The following SAFB2 variants were observed in gnomAD, a reference collection of about 807,000 sequenced individuals.
SAFB2 encodes scaffold attachment factor B2.
In SAFB2, 32 loss-of-function variants were observed where a neutral mutation model predicts 100.6. The observed-to-expected ratio is 0.32, with a 90% CI of 0.24 to 0.43. The LOEUF is 0.43. SAFB2 is among the 20% of genes least tolerant of loss of function. The pLI, the probability that SAFB2 is intolerant of heterozygous loss-of-function variation, is 1.00. For synonymous variants in SAFB2, 500 were observed against 439.4 expected, an observed-to-expected ratio of 1.14 and a Z score of -1.72; for missense variants, 1,185 against 1,163.4, an observed-to-expected ratio of 1.02 and a Z score of -0.27.
At chr19:5,602,479 CAAAA>C (rs35472223) in intron 11 of SAFB2, among the ~76,000 whole-genome samples, 37 of 39,518 alleles carry the variant, frequency 9.4e-4, no homozygotes, top group Non-Finnish European at 1.4e-3. Context: ...GACTCTGTCT[CAAAA>C]AAAAAAAAAA....
At chr19:5,601,360 G>A (rs771720971) in intron 11 of SAFB2, among the ~76,000 whole-genome samples, 4 of 152,098 alleles carry the variant, frequency 2.6e-5, no homozygotes, top group African/African-American at 4.8e-5. Flanking sequence ...GGAGTGACAC[G>A]AACGAGGCCA....
chr19:5,598,645 T>C (rs2052585085), intron 13 of SAFB2, 148 bp downstream of exon 13: 2 of 669,200 alleles, frequency 3.0e-6, no homozygotes, highest in Admixed American at 4.5e-5. Flanking sequence ...CATGTGTGTG[T>C]CTGTATCCGC....
At position 5,600,332 on chromosome 19, in the gene SAFB2, G is replaced by A. The variant is rs149607805; in HGVS notation, c.1560-72C>T. 271 of 1,574,866 alleles carry A rather than the reference G, an allele frequency of 1.7e-4. 2 individuals are homozygous for A. The highest frequency in any genetic ancestry group is 1.6e-3 in the African/African-American group (114 of 73,198). On this transcript the variant is annotated intron_variant, in intron 11 of 20. Coordinates refer to ENST00000252542, the MANE Select transcript of SAFB2 (RefSeq NM_014649.3). ...ACAGGAACGGCTCACCCAGAGCCTC[G>A]ACTCACACATACTCAGACGTCCACA...
In SAFB2 at chr19:5,604,607, T is replaced by C. The variant is rs756737672; in HGVS notation, c.1535A>G (p.His512Arg). The change falls in exon 11 of 21, where the codon CAT becomes CGT. Residue 512 changes from histidine (H) to arginine (R), a missense_variant. By Grantham distance (29) the His-to-Arg change is conservative. Around this residue, in one of 3 missense-constraint regions of SAFB2, gnomAD observed 740 missense variants for 687.1 expected, o/e 1.08. Transcript: ENST00000252542. ...KEKLSSVDRH[H>R]SVEIKIEKTV... Reference sequence around the variant, plus strand: ...CTTTTCAATTTTGATCTCCACAGAATGATGTCTGTCGACACTCGATAATTT... The same window carrying C: ...CTTTTCAATTTTGATCTCCACAGAACGATGTCTGTCGACACTCGATAATTT... The C allele has an allele frequency of 6.2e-7, 1 of 1,613,924 alleles. No individual in the cohort carries two copies. The highest frequency in any genetic ancestry group is 1.3e-5 in the African/African-American group (1 of 75,054).
chr19:5,609,608 T>C (rs1568224217), intron 9 of SAFB2, among the ~76,000 whole-genome samples: 1 of 152,116 alleles, frequency 6.6e-6, no homozygotes, highest in Non-Finnish European at 1.5e-5. Context: ...GCTTTAAGTT[T>C]TGCACAAGAC....
At position 5,610,084 on chromosome 19, in the gene SAFB2, T is replaced by C. The variant is rs749107034; in HGVS notation, c.1207A>G (p.Ser403Gly). 5 of 1,614,124 alleles carry C rather than the reference T, an allele frequency of 3.1e-6. No homozygotes were observed. The Admixed American group carries it at 5.0e-5, about 16-fold the overall frequency. ...ACCCACAGGTTCCGACCAGAACCGC[T>C]GCCGACCCGACCTGGCACGAGAGGG... ...IIKDEKGRVG[S>G]GSGRNLWVSG... The change falls in exon 9 of 21, where the codon AGC (serine) becomes GGC (glycine). Residue 403 changes from serine to glycine, a missense_variant. This residue lies in a region of SAFB2 where 94 missense variants were observed against 135.1 expected (regional missense o/e 0.70). Coordinates refer to ENST00000252542, the MANE Select transcript of SAFB2 (RefSeq NM_014649.3).
chr19:5,603,194 G>C (rs1568217862), intron 11 of SAFB2, among the ~76,000 whole-genome samples: 1 of 152,142 alleles, frequency 6.6e-6, no homozygotes, highest in Non-Finnish European at 1.5e-5. Flanking sequence ...CTTGGGCTTG[G>C]GAAGTCGAGG....
chr19:5,610,223 A>G, intron 8 of SAFB2, 128 bp from the exon 9 acceptor site: 1 of 713,122 alleles, frequency 1.4e-6, no homozygotes, highest in Non-Finnish European at 2.5e-6. Flanking sequence ...TAAGAATTTA[A>G]CGCACACACA....
intron 2 of SAFB2, among the ~76,000 whole-genome samples, chr19:5,617,424 C>T (rs779458888): frequency 2.0e-5 from 3 of 152,170 alleles, no homozygotes; most frequent in Admixed American, 6.5e-5. Context: ...TGAGAAGAAA[C>T]TTGAGGCTCT....
At chr19:5,617,279 T>A (rs555189928) in intron 2 of SAFB2, among the ~76,000 whole-genome samples, 1 of 151,824 alleles carries the variant, frequency 6.6e-6, no homozygotes, top group African/African-American at 2.4e-5. Context: ...CTTTTTTTTT[T>A]CCCCCAAGGC....
chr19:5,589,835 G>A (rs1379961488), intron 18 of SAFB2, among the ~76,000 whole-genome samples: 1 of 152,142 alleles, frequency 6.6e-6, no homozygotes, highest in Non-Finnish European at 1.5e-5. Flanking sequence ...TAATAGGCAG[G>A]ATAGGGTTGA....
chr19:5,622,235 G>A (rs1275603577), intron 1 of SAFB2, among the ~76,000 whole-genome samples: 2 of 152,242 alleles, frequency 1.3e-5, no homozygotes, highest in Admixed American at 6.5e-5. Flanking sequence ...CAGAGCCAAG[G>A]CTCGATCGGG....
At position 5,604,514 on chromosome 19, in the gene SAFB2, A is replaced by G. The variant is rs1160615270; in HGVS notation, c.1559+69T>C. On this transcript the variant is annotated intron_variant, in intron 11 of 20. Transcript: ENST00000252542. The stretch of plus-strand genomic sequence containing the variant: ...AGGTGGGGACAGATGCGTGTTTTTC[A>G]AGGCCCATGGTGGCTGCCCGTGCCC... 7.7e-6 allele frequency: 9 copies of G among 1,166,656 alleles called. No individual in the cohort carries two copies. In the Admixed American group the frequency reaches 9.6e-5, roughly 12 times the overall value. 72.3% of individuals were successfully genotyped at this position (1,166,656 alleles called of 1,614,324 possible). A position where few individuals can be genotyped will look rare whatever the true frequency, so the allele number is the denominator to read the frequency against.
At chr19:5,620,944 T>G (rs973112711) in intron 2 of SAFB2, among the ~76,000 whole-genome samples, 19 of 152,198 alleles carry the variant, frequency 1.2e-4, no homozygotes, top group Admixed American at 1.1e-3. Flanking sequence ...GTTGGTGTCC[T>G]TTTCTTTGGG....
intron 11 of SAFB2, 63 bp from the exon 12 acceptor site, chr19:5,600,323 C>T: frequency 6.3e-7 from 1 of 1,586,068 alleles, no homozygotes; most frequent in Admixed American, 1.8e-5. Context: ...ACGGCTCACC[C>T]AGAGCCTCGA....
At chr19:5,614,116 G>C (rs549373544) in intron 4 of SAFB2, among the ~76,000 whole-genome samples, 1 of 152,248 alleles carries the variant, frequency 6.6e-6, no homozygotes, top group Admixed American at 6.5e-5. Context: ...ACCACGCCCG[G>C]CTAATTTTTT....
At position 5,613,341 on chromosome 19, in the gene SAFB2, T is replaced by C. The variant is rs2052950563; in HGVS notation, c.606+124A>G. ...TGAGACTGTTTCTCTTCTGCTAACC[T>C]CTTAACCCCAGCATCCAGCACAGTA... On this transcript the variant is annotated intron_variant, in intron 5 of 20. Coordinates refer to ENST00000252542, the MANE Select transcript of SAFB2 (RefSeq NM_014649.3). 34 of 872,936 alleles carry C rather than the reference T, an allele frequency of 3.9e-5. No homozygotes were observed. In the South Asian group the frequency reaches 5.5e-4, roughly 14 times the overall value. The allele number at this position is 872,936 out of a possible 1,614,324, so 54.1% of individuals were successfully genotyped here. A position where few individuals can be genotyped will look rare whatever the true frequency, so the allele number is the denominator to read the frequency against.
chr19:5,589,620 A>G (rs556243953), intron 18 of SAFB2, among the ~76,000 whole-genome samples: 1 of 152,240 alleles, frequency 6.6e-6, no homozygotes, highest in African/African-American at 2.4e-5. Context: ...CAGGACAAAC[A>G]GGCAGGGGTG....
rs770185862 is a variant in SAFB2 at position 5,621,304 on chromosome 19, A to C, written c.274+5T>G. 1 of 1,591,774 alleles carries C rather than the reference A, an allele frequency of 6.3e-7. No homozygotes were observed. Among genetic ancestry groups the C allele is most frequent in the African/African-American group, 1.3e-5 (1 of 74,580 alleles). ...CTCAAGCCCCAAGCAGCATATGTACAATACCTTTAACACATCTCTTGGCTG... is the reference window on the plus strand; with the variant it reads ...CTCAAGCCCCAAGCAGCATATGTACCATACCTTTAACACATCTCTTGGCTG... On this transcript the variant is annotated splice_donor_5th_base_variant and intron_variant, in intron 2 of 20. Coordinates refer to ENST00000252542, the MANE Select transcript of SAFB2 (RefSeq NM_014649.3).
Sources: gnomAD v4.1 joint callset for allele counts (sites outside exome capture counted in the v4.1 genomes callset) on GRCh38, gnomAD v4.1.1 for gene constraint, gnomAD v4.1.1 regional missense constraint, MANE v1.5 for transcripts, NCBI Gene and HGNC (gene_info 2026-07-23, HGNC 2026-07-21) for gene names.